CACNG4: variants seen among roughly 807,000 people sequenced by gnomAD.
The protein encoded by CACNG4 is voltage-dependent calcium channel gamma-4 subunit.
Under a neutral mutation model 22.9 loss-of-function variants are expected in CACNG4, and 8 were observed. The ratio of observed to expected loss-of-function variants is 0.35; its 90% CI spans 0.21 to 0.63. The LOEUF (loss-of-function observed/expected upper bound fraction) is 0.63, where lower values mean the gene tolerates loss of function less well. Among genes scored for constraint, CACNG4 ranks in the 30% least tolerant of loss-of-function variants. The pLI is 0.72. For missense variants in CACNG4, 357 were observed against 455.4 expected (o/e 0.78, Z 1.97); for synonymous variants, 188 against 191.9 (o/e 0.98, Z 0.17).
At chr17:67,003,586 G>T (rs1476601548) in intron 1 of CACNG4, among the ~76,000 whole-genome samples, 1 of 152,058 alleles carries the variant, frequency 6.6e-6, no homozygotes, top group African/African-American at 2.4e-5. Context: ...ATCATTATTT[G>T]TTGGGGCAGG....
chr17:67,013,435 T>A (rs16960478), intron 1 of CACNG4, among the ~76,000 whole-genome samples: 2 of 152,168 alleles, frequency 1.3e-5, no homozygotes, highest in African/African-American at 4.8e-5. Flanking sequence ...TGCTCATTAC[T>A]CTATCGCTCA....
At chr17:67,008,453 AG>A (rs1273991726) in intron 1 of CACNG4, among the ~76,000 whole-genome samples, 1 of 152,110 alleles carries the variant, frequency 6.6e-6, no homozygotes, top group Non-Finnish European at 1.5e-5. Context: ...TGCGGGGAGC[AG>A]GGGGCAGGGC....
rs2035594913 is a variant in CACNG4 at position 67,030,263 on chromosome 17, TA to T, written c.446-202del. Among the ~76,000 whole-genome samples the T allele has an allele frequency of 6.6e-6, 1 of 152,188 alleles. No individual in the cohort carries two copies. Among genetic ancestry groups the T allele is most frequent in the Non-Finnish European group, 1.5e-5 (1 of 68,044 alleles). ...GGAACTGGGGGCTGAGAGTGTGTTT[TA>T]TTGTATACCTCATTTGAACTTTGTA... On this transcript the variant is annotated intron_variant, in intron 3 of 3. Transcript: ENST00000262138. This position sits in a 1 kb window ranked among gnomAD's most constrained non-coding sequence, Gnocchi z 6.4.
intron 1 of CACNG4, among the ~76,000 whole-genome samples, chr17:66,979,928 G>A (rs977297030): frequency 5.3e-5 from 8 of 151,842 alleles, no homozygotes; most frequent in African/African-American, 1.9e-4. Context: ...GCTAATTTTT[G>A]TATTTTTAGT....
At chr17:66,991,085 G>A (rs1051476645) in intron 1 of CACNG4, among the ~76,000 whole-genome samples, 7 of 152,086 alleles carry the variant, frequency 4.6e-5, no homozygotes, top group Non-Finnish European at 8.8e-5. Context: ...CTAGGAGCTC[G>A]GTGAATGGCG....
At chr17:67,008,048 C>T (rs992400482) in intron 1 of CACNG4, among the ~76,000 whole-genome samples, 17 of 152,100 alleles carry the variant, frequency 1.1e-4, no homozygotes, top group Non-Finnish European at 2.2e-4. Flanking sequence ...CCGTGTGCAC[C>T]GTAAGAAAAG....
At chr17:67,023,454 T>C (rs1267638694) in intron 2 of CACNG4, among the ~76,000 whole-genome samples, 1 of 151,808 alleles carries the variant, frequency 6.6e-6, no homozygotes, top group East Asian at 1.9e-4. Context: ...TTTTTGTATT[T>C]TTCCTAGAGA....
At chr17:66,995,130 A>G (rs2035366124) in intron 1 of CACNG4, among the ~76,000 whole-genome samples, 2 of 152,164 alleles carry the variant, frequency 1.3e-5, no homozygotes, top group Non-Finnish European at 2.9e-5. Context: ...GCCTCCGTGG[A>G]GGTGGCCCTG....
chr17:67,027,059 A>C lies in CACNG4; in HGVS notation c.445+2059A>C, dbSNP rs2035572473. 6.6e-6 allele frequency among the ~76,000 whole-genome samples: 1 copy of C among 152,004 alleles called. No individual in the cohort carries two copies. Among genetic ancestry groups the C allele is most frequent in the South Asian group, 2.1e-4 (1 of 4,822 alleles). On this transcript the variant is annotated intron_variant, in intron 3 of 3. Coordinates refer to ENST00000262138, the MANE Select transcript of CACNG4 (RefSeq NM_014405.4). The surrounding 1 kb of genome is among the most constrained non-coding windows in gnomAD (Gnocchi z 4.3). ...AGAGAATACTCCAGTCACATCAGAA[A>C]CCACAGTGGCCATGCCAGCGCTCTG...
At chr17:66,996,112 A>T (rs1166722071) in intron 1 of CACNG4, among the ~76,000 whole-genome samples, 2 of 152,128 alleles carry the variant, frequency 1.3e-5, no homozygotes, top group Non-Finnish European at 2.9e-5. Flanking sequence ...GAGGTTGATG[A>T]CAAGCAGCTC....
intron 1 of CACNG4, among the ~76,000 whole-genome samples, chr17:67,007,763 A>G (rs2035446101): frequency 1.3e-5 from 2 of 152,232 alleles, no homozygotes; most frequent in South Asian, 2.1e-4. Flanking sequence ...GCCCAAATGT[A>G]TAATGCCTTA....
intron 1 of CACNG4, among the ~76,000 whole-genome samples, chr17:66,990,858 T>C (rs1177587231): frequency 6.6e-6 from 1 of 151,868 alleles, no homozygotes; most frequent in African/African-American, 2.4e-5. Context: ...TTTTTTGTAT[T>C]TTTAGTAGAG....
At chr17:66,979,019 C>A (rs2035255128) in intron 1 of CACNG4, among the ~76,000 whole-genome samples, 1 of 152,178 alleles carries the variant, frequency 6.6e-6, no homozygotes, top group Non-Finnish European at 1.5e-5. Flanking sequence ...CCGCACCCTC[C>A]TTCCAGCCAA....
At chr17:66,982,117 G>C (rs956626414) in intron 1 of CACNG4, among the ~76,000 whole-genome samples, 1 of 152,228 alleles carries the variant, frequency 6.6e-6, no homozygotes, top group East Asian at 1.9e-4. Flanking sequence ...CGGACCCAAA[G>C]AGTGAGCAGC....
rs2035546053 is a variant in CACNG4, at chr17:67,023,653, C to T, written c.305-1207C>T. Among the ~76,000 whole-genome samples the T allele has an allele frequency of 2.0e-5, 3 of 150,252 alleles. No homozygotes were observed. In the Admixed American group the frequency reaches 2.0e-4, roughly 10 times the overall value. ...ATGGCGCAATCTCAGCTCACTGCAA[C>T]CTCCACCTCTGGGGTTCGAGAGATT... On this transcript the variant is annotated intron_variant, in intron 2 of 3. Coordinates refer to ENST00000262138, the MANE Select transcript of CACNG4 (RefSeq NM_014405.4).
At chr17:66,986,976 C>A (rs8070529) in intron 1 of CACNG4, among the ~76,000 whole-genome samples, 6,096 of 152,236 alleles carry the variant, frequency 0.04, 388 homozygotes, top group African/African-American at 0.14. Flanking sequence ...GGAGGGGACA[C>A]AGTCAATTCT....
chr17:66,994,460 C>G (rs1280899710), intron 1 of CACNG4, among the ~76,000 whole-genome samples: 1 of 152,158 alleles, frequency 6.6e-6, no homozygotes, highest in Admixed American at 6.5e-5. Flanking sequence ...TTGTCATTAT[C>G]CTGGCTATTC....
At chr17:67,025,472 G>A (rs185576134) in intron 3 of CACNG4, among the ~76,000 whole-genome samples, 41 of 152,350 alleles carry the variant, frequency 2.7e-4, no homozygotes, top group African/African-American at 6.3e-4. Context: ...AAGACAGGGC[G>A]AGGGCCCGGA....
At chr17:66,992,844 C>A (rs1367952605) in intron 1 of CACNG4, among the ~76,000 whole-genome samples, 2 of 152,250 alleles carry the variant, frequency 1.3e-5, no homozygotes, top group African/African-American at 2.4e-5. Flanking sequence ...TTATGAGGGC[C>A]TGTCTGCTTA....
Sources: allele counts gnomAD v4.1 joint callset (sites outside exome capture counted in the v4.1 genomes callset), GRCh38; gene constraint gnomAD v4.1.1; non-coding constraint Gnocchi (gnomAD v3.1); transcripts MANE v1.5; gene names NCBI Gene and HGNC (gene_info 2026-07-23, HGNC 2026-07-21).